The following ADGRE5 variants were observed in gnomAD, a reference collection of about 807,000 sequenced individuals.
ADGRE5 encodes the protein adhesion G protein-coupled receptor E5.
In ADGRE5, 72 loss-of-function variants were observed where a neutral mutation model predicts 100.3. The ratio of observed to expected loss-of-function variants is 0.72; its 90% CI spans 0.59 to 0.87. The LOEUF (loss-of-function observed/expected upper bound fraction) is 0.87, where lower values mean the gene tolerates loss of function less well. ADGRE5 is among the 40% of genes least tolerant of loss of function. The pLI is 0.00. For synonymous variants in ADGRE5, 439 were observed against 447.8 expected, an observed-to-expected ratio of 0.98 and a Z score of 0.25; for missense variants, 959 against 1,094.7, an observed-to-expected ratio of 0.88 and a Z score of 1.75.
chr19:14,382,269 C>T (rs967313932), intron 1 of ADGRE5, among the ~76,000 whole-genome samples: 50 of 152,206 alleles, frequency 3.3e-4, no homozygotes, highest in African/African-American at 1.2e-3. Context: ...TTCCCTGGGC[C>T]AGCCCCAAGT....
At position 14,408,050 on chromosome 19, in the gene ADGRE5, C is replaced by A. The variant is rs756353195; in HGVS notation, c.2478+41C>A. The A allele has an allele frequency of 2.1e-5, 34 of 1,613,988 alleles. No homozygotes were observed. In the South Asian group the frequency reaches 3.0e-4, roughly 14 times the overall value. ...TGGGGCGGGTGTGGGCAGGAAGGCACCAGGGCTAGCGGGGCTCAGGCCTCT... is the reference window on the plus strand; with the variant it reads ...TGGGGCGGGTGTGGGCAGGAAGGCAACAGGGCTAGCGGGGCTCAGGCCTCT... On this transcript the variant is annotated intron_variant, in intron 19 of 19. Transcript: ENST00000242786.
intron 4 of ADGRE5, among the ~76,000 whole-genome samples, chr19:14,393,663 C>A (rs1199537006): frequency 1.3e-5 from 2 of 152,220 alleles, no homozygotes; most frequent in Non-Finnish European, 2.9e-5. Context: ...CCCCACCCCT[C>A]CTGCCCTGCA....
intron 3 of ADGRE5, among the ~76,000 whole-genome samples, chr19:14,390,619 C>A (rs955712010): frequency 6.6e-6 from 1 of 152,074 alleles, no homozygotes; most frequent in Non-Finnish European, 1.5e-5. Flanking sequence ...CCACTGCACC[C>A]GGCCGCCATG....
Position 14,404,338 on chromosome 19 carries a change from G to A in ADGRE5, c.1450-45G>A, listed in dbSNP as rs181242800. 16 of 1,570,228 alleles carry A rather than the reference G, an allele frequency of 1.0e-5. No homozygotes were observed. The East Asian group carries it at 3.4e-4, about 33-fold the overall frequency. On this transcript the variant is annotated intron_variant, in intron 12 of 19. Coordinates refer to ENST00000242786, the MANE Select transcript of ADGRE5 (RefSeq NM_078481.4). ...CTCAGCCCAAGCCCAGGACCTAAGA[G>A]TGAGCTCCAGGCCAACCTTTCTGAC...
At chr19:14,387,245 C>G (rs1319467133) in intron 1 of ADGRE5, among the ~76,000 whole-genome samples, 3 of 152,094 alleles carry the variant, frequency 2.0e-5, no homozygotes, top group Admixed American at 2.0e-4. Context: ...ACTCCCCACA[C>G]ACCCCAGGTC....
intron 3 of ADGRE5, among the ~76,000 whole-genome samples, chr19:14,389,313 AGGGGGATGGGGGAGGGAGG>A (rs1975497342): frequency 8.9e-4 from 2 of 2,242 alleles, no homozygotes; most frequent in Admixed American, 2.7e-3. Flanking sequence ...GGGGAAGGGG[AGGGGGATGGGGGAGGGAGG>A]GGGGAAGGGG....
At position 14,407,994 on chromosome 19, in the gene ADGRE5, C is replaced by T. The variant is rs781353076; in HGVS notation, c.2463C>T (p.Gly821=). ...SEFTSTTSGT[G]HNQTRALRAS... Reference sequence around the variant, plus strand: ...TCACCTCCACCACGTCTGGCACTGGCCACAATCAGACCCGGGTAAGGGGCT... The same window carrying T: ...TCACCTCCACCACGTCTGGCACTGGTCACAATCAGACCCGGGTAAGGGGCT... The change falls in exon 19 of 20, where the codon GGC becomes GGT. Residue 821 remains glycine, a synonymous_variant. Transcript: ENST00000242786. 1.2e-6 allele frequency: 2 copies of T among 1,614,148 alleles called. No homozygotes were observed. Among genetic ancestry groups the T allele is most frequent in the Non-Finnish European group, 1.7e-6 (2 of 1,180,006 alleles).
At chr19:14,387,892 T>C (rs918379233) in intron 1 of ADGRE5, among the ~76,000 whole-genome samples, 48 of 149,612 alleles carry the variant, frequency 3.2e-4, no homozygotes, top group African/African-American at 1.1e-3. Context: ...CTGGCCAATA[T>C]GGTGAAACCC....
chr19:14,392,014 G>A (rs1483998895), intron 4 of ADGRE5, among the ~76,000 whole-genome samples: 1 of 147,688 alleles, frequency 6.8e-6, no homozygotes, highest in African/African-American at 2.5e-5. Flanking sequence ...TGAGGCAGGA[G>A]AATCGCTTGA....
Position 14,388,506 on chromosome 19 carries a change from T to A in ADGRE5, c.73+6T>A. 1 of 1,584,942 alleles carries A rather than the reference T, an allele frequency of 6.3e-7. No homozygotes were observed. Among genetic ancestry groups the A allele is most frequent in the African/African-American group, 1.4e-5 (1 of 74,008 alleles). ...TGAAACCCAGGACTCCAGGGGTGAG[T>A]CTGCTGGGAAGCAGAAAGCACAGTC... On this transcript the variant is annotated splice_donor_region_variant and intron_variant, in intron 2 of 19. Transcript: ENST00000242786.
In ADGRE5 at chr19:14,404,563, G is replaced by A; in HGVS notation, c.1629+1G>A. 2 of 1,611,852 alleles carry A rather than the reference G, an allele frequency of 1.2e-6. No homozygotes were observed. Among genetic ancestry groups the A allele is most frequent in the Non-Finnish European group, 1.7e-6 (2 of 1,179,154 alleles). ...CCTTATGGCTCATTATGACGTGGAG[G>A]TAAGTAGCTGGAGGCATCCTCAAGT... is the stretch of plus-strand genomic sequence containing the variant. On this transcript the variant is annotated splice_donor_variant, in intron 13 of 19. Transcript: ENST00000242786. LOFTEE classifies it high-confidence loss of function.
intron 1 of ADGRE5, 82 bp downstream of exon 1, chr19:14,381,627 C>G (rs1975159665): frequency 6.7e-6 from 10 of 1,498,566 alleles, no homozygotes; most frequent in Non-Finnish European, 8.1e-6. Context: ...CGGGAGGCGC[C>G]GCTGGTGTCT....
chr19:14,402,490 C>T (rs1375509641), intron 11 of ADGRE5, 107 bp from the exon 12 acceptor site: 13 of 1,104,784 alleles, frequency 1.2e-5, no homozygotes, highest in South Asian at 4.2e-5. Context: ...GGGCTCCTGG[C>T]GTCATCGTGG....
chr19:14,402,676 G>C lies in ADGRE5; in HGVS notation c.1263G>C (p.Lys421Asn). Reference sequence around the variant, plus strand: ...ATGCCTCCTTGAACCTGCATTCCAAGAAGCAAGCCGAACTGGAGGAGATAT... The same window carrying C: ...ATGCCTCCTTGAACCTGCATTCCAACAAGCAAGCCGAACTGGAGGAGATAT... ...LANASLNLHS[K>N]KQAELEEIYE... The change falls in exon 12 of 20, where the codon AAG (lysine) becomes AAC (asparagine). Residue 421 changes from lysine to asparagine, a missense_variant. Around this residue, in one of 6 missense-constraint regions of ADGRE5, gnomAD observed 246 missense variants for 242.2 expected, o/e 1.02. Transcript: ENST00000242786. The C allele has an allele frequency of 6.2e-7, 1 of 1,614,146 alleles. No individual in the cohort carries two copies. Among genetic ancestry groups the C allele is most frequent in the Non-Finnish European group, 8.5e-7 (1 of 1,180,026 alleles).
At chr19:14,382,801 C>T (rs1568304986) in intron 1 of ADGRE5, among the ~76,000 whole-genome samples, 1 of 151,832 alleles carries the variant, frequency 6.6e-6, no homozygotes. Context: ...CCTCCGCCTC[C>T]TGGGTTCAAG....
intron 9 of ADGRE5, 109 bp downstream of exon 9, chr19:14,398,248 C>G (rs1975860564): frequency 1.1e-6 from 1 of 904,714 alleles, no homozygotes; most frequent in Non-Finnish European, 1.8e-6. Context: ...TAGTCAGAGA[C>G]ACACATGCGC....
At chr19:14,392,448 G>A (rs1297873747) in intron 4 of ADGRE5, among the ~76,000 whole-genome samples, 4 of 151,980 alleles carry the variant, frequency 2.6e-5, no homozygotes, top group African/African-American at 4.8e-5. Context: ...TTACAGGCGT[G>A]AGCCACCATG....
At chr19:14,402,933 G>A in intron 12 of ADGRE5, 71 bp downstream of exon 12, 2 of 1,507,906 alleles carry the variant, frequency 1.3e-6, no homozygotes, top group East Asian at 2.3e-5. Context: ...CTCTCTCTGG[G>A]ATGCTCTTTC....
intron 6 of ADGRE5, 132 bp from the exon 7 acceptor site, chr19:14,397,526 C>T (rs1453156411): frequency 2.4e-5 from 32 of 1,361,220 alleles, no homozygotes; most frequent in East Asian, 4.7e-5. Flanking sequence ...GGCCTCTCCA[C>T]GCTTCCATAA....
Sources: gnomAD v4.1 joint callset for allele counts (sites outside exome capture counted in the v4.1 genomes callset) on GRCh38, gnomAD v4.1.1 for gene constraint, gnomAD v4.1.1 regional missense constraint, MANE v1.5 for transcripts, NCBI Gene and HGNC (gene_info 2026-07-23, HGNC 2026-07-21) for gene names.